Variants in KITLG observed in about 807,000 individuals in gnomAD.
KITLG encodes the protein c-Kit ligand.
Under a neutral mutation model 34.1 loss-of-function variants are expected in KITLG, and 13 were observed. That is an observed-to-expected ratio of 0.38 (90% CI 0.25 to 0.61). The LOEUF (loss-of-function observed/expected upper bound fraction) is 0.61, where lower values mean the gene tolerates loss of function less well. Ranked by LOEUF, KITLG falls within the 20% of genes least tolerant of loss-of-function variation. The probability of loss-of-function intolerance (pLI) is 0.60; values close to 1 mark genes in which losing one functional copy is unlikely to be tolerated. For missense variants in KITLG, 292 were observed against 318.9 expected, an observed-to-expected ratio of 0.92 and a Z score of 0.64; for synonymous variants, 110 against 104.0, an observed-to-expected ratio of 1.06 and a Z score of -0.35.
At chr12:88,567,761 T>G (rs2120974032) in intron 1 of KITLG, among the ~76,000 whole-genome samples, 1 of 152,352 alleles carries the variant, frequency 6.6e-6, no homozygotes, top group South Asian at 2.1e-4. Flanking sequence ...CCTAATGCCC[T>G]TCTTATGCAT....
intron 6 of KITLG, among the ~76,000 whole-genome samples, chr12:88,511,813 T>C (rs192424401): frequency 6.6e-6 from 1 of 152,132 alleles, no homozygotes; most frequent in Non-Finnish European, 1.5e-5. Flanking sequence ...ATCTCAGATA[T>C]TCCATGCCTT....
intron 1 of KITLG, among the ~76,000 whole-genome samples, chr12:88,574,208 C>T (rs1276248523): frequency 1.3e-5 from 2 of 151,412 alleles, no homozygotes; most frequent in Non-Finnish European, 2.9e-5. Context: ...TGTGTGTTCT[C>T]CTAGCTTGAG....
intron 1 of KITLG, among the ~76,000 whole-genome samples, chr12:88,554,376 GTTAAGT>G (rs1871027892): frequency 1.3e-5 from 2 of 152,206 alleles, no homozygotes; most frequent in African/African-American, 4.8e-5. Flanking sequence ...CAAAAAGAGA[GTTAAGT>G]GTTTGTGTAG....
At chr12:88,570,202 T>C (rs1317374737) in intron 1 of KITLG, among the ~76,000 whole-genome samples, 3 of 152,196 alleles carry the variant, frequency 2.0e-5, no homozygotes, top group African/African-American at 7.2e-5. Flanking sequence ...TTTTTGGCAA[T>C]GAAGTAATTC....
intron 5 of KITLG, among the ~76,000 whole-genome samples, 186 bp downstream of exon 5, chr12:88,516,148 T>C (rs111458062): frequency 6.6e-6 from 1 of 151,874 alleles, no homozygotes; most frequent in Non-Finnish European, 1.5e-5. Flanking sequence ...CTGATGAATA[T>C]TGCTTTGGGT....
chr12:88,560,231 T>C (rs1407972144), intron 1 of KITLG, among the ~76,000 whole-genome samples: 1 of 152,204 alleles, frequency 6.6e-6, no homozygotes, highest in African/African-American at 2.4e-5. Context: ...ATTATTTTGT[T>C]AATTACAGTT....
chr12:88,527,520 G>A (rs1566024153), intron 3 of KITLG, among the ~76,000 whole-genome samples: 1 of 152,194 alleles, frequency 6.6e-6, no homozygotes, highest in African/African-American at 2.4e-5. Context: ...ATATTTAGCT[G>A]TGCCTTTAAA....
intron 6 of KITLG, among the ~76,000 whole-genome samples, chr12:88,510,136 C>A (rs929617983): frequency 6.6e-6 from 1 of 152,124 alleles, no homozygotes; most frequent in Non-Finnish European, 1.5e-5. Context: ...CTAATAATAA[C>A]CAACATCTGT....
chr12:88,558,866 G>T (rs1871190727), intron 1 of KITLG, among the ~76,000 whole-genome samples: 1 of 152,134 alleles, frequency 6.6e-6, no homozygotes, highest in Non-Finnish European at 1.5e-5. Context: ...TGTCTTAAAA[G>T]ATATACAACG....
intron 6 of KITLG, among the ~76,000 whole-genome samples, chr12:88,512,594 C>G (rs1031150912): frequency 2.2e-4 from 33 of 151,900 alleles, no homozygotes; most frequent in Non-Finnish European, 8.8e-5. Flanking sequence ...TAGGCATATT[C>G]TAGCTCAAAT....
At chr12:88,548,369 G>A (rs573093327) in intron 1 of KITLG, among the ~76,000 whole-genome samples, 2 of 151,976 alleles carry the variant, frequency 1.3e-5, no homozygotes, top group African/African-American at 4.8e-5. Context: ...CAGGAGAATC[G>A]TTTGAACCCG....
chr12:88,556,367 A>T (rs774091848), intron 1 of KITLG, among the ~76,000 whole-genome samples: 4 of 152,170 alleles, frequency 2.6e-5, no homozygotes, highest in Non-Finnish European at 5.9e-5. Context: ...AAGGTTTATC[A>T]GGCATCAGAA....
At chr12:88,510,007 C>T (rs1215172338) in intron 6 of KITLG, among the ~76,000 whole-genome samples, 1 of 152,100 alleles carries the variant, frequency 6.6e-6, no homozygotes, top group Non-Finnish European at 1.5e-5. Context: ...AGAGGAAGCT[C>T]ATCTGGGCCG....
intron 4 of KITLG, among the ~76,000 whole-genome samples, chr12:88,517,527 C>T (rs2120837932): frequency 6.6e-6 from 1 of 152,146 alleles, no homozygotes; most frequent in Non-Finnish European, 1.5e-5. Flanking sequence ...CAGTGTTCTT[C>T]CCAACATCAC....
chr12:88,549,704 T>C (rs1870830158), intron 1 of KITLG, among the ~76,000 whole-genome samples: 1 of 152,122 alleles, frequency 6.6e-6, no homozygotes, highest in South Asian at 2.1e-4. Flanking sequence ...AAATCTGGAC[T>C]TAGGAGGGAA....
chr12:88,511,395 C>A (rs571150331), intron 6 of KITLG, among the ~76,000 whole-genome samples: 3 of 152,276 alleles, frequency 2.0e-5, no homozygotes, highest in African/African-American at 7.2e-5. Context: ...TGGCTTTCAG[C>A]TCTCCTGTCT....
At chr12:88,501,713 T>C (rs1453716442) in intron 9 of KITLG, among the ~76,000 whole-genome samples, 2 of 152,200 alleles carry the variant, frequency 1.3e-5, no homozygotes, top group Non-Finnish European at 2.9e-5. Flanking sequence ...TTTTCCTACT[T>C]TTCCCTCAGC....
Position 88,493,478 on chromosome 12 carries a change from A to G in KITLG, c.*3741T>C, listed in dbSNP as rs1868483114. The stretch of plus-strand genomic sequence containing the variant: ...CAGCAACATTATGAATTGTGTGATC[A>G]AACTCCACAAATGAGCTAATTAGAA... On this transcript the variant is annotated 3_prime_UTR_variant, in exon 10 of 10. Coordinates refer to ENST00000644744, the MANE Select transcript of KITLG (RefSeq NM_000899.5). 2 of 152,216 alleles carry G rather than the reference A, an allele frequency of 1.3e-5. No homozygotes were observed. The highest frequency in any genetic ancestry group is 4.1e-4 in the South Asian group (2 of 4,836). The allele number at this position is 152,216 out of a possible 1,614,324, so 9.4% of individuals were successfully genotyped here. A position where few individuals can be genotyped will look rare whatever the true frequency, so the allele number is the denominator to read the frequency against.
chr12:88,523,264 C>T (rs1389939115), intron 3 of KITLG, among the ~76,000 whole-genome samples: 1 of 152,156 alleles, frequency 6.6e-6, no homozygotes, highest in Non-Finnish European at 1.5e-5. Context: ...GGACCAGTCT[C>T]ACCAATTGTA....
Sources: gnomAD v4.1 joint callset for allele counts (sites outside exome capture counted in the v4.1 genomes callset) on GRCh38, gnomAD v4.1.1 for gene constraint, MANE v1.5 for transcripts, NCBI Gene and HGNC (gene_info 2026-07-23, HGNC 2026-07-21) for gene names.